EOGT: variants seen among roughly 807,000 people sequenced by gnomAD.
The protein encoded by EOGT is EGF domain specific O-linked N-acetylglucosamine transferase.
Under a neutral mutation model 70.5 loss-of-function variants are expected in EOGT, and 55 were observed. The ratio of observed to expected loss-of-function variants is 0.78; its 90% confidence interval spans 0.63 to 0.98. The LOEUF (loss-of-function observed/expected upper bound fraction) is 0.98. Among genes scored for constraint, EOGT ranks in the 50% least tolerant of loss-of-function variants. EOGT has a pLI of 0.00. For missense variants in EOGT, 703 were observed against 641.9 expected (o/e 1.10, Z -1.03); for synonymous variants, 246 against 217.1 (o/e 1.13, Z -1.17).
chr3:69,013,276 G>A (rs934722220), intron 1 of EOGT, among the ~76,000 whole-genome samples: 1 of 151,670 alleles, frequency 6.6e-6, no homozygotes. Flanking sequence ...GGGCCCCGGG[G>A]AGCGGCTCCG....
chr3:68,980,631 G>C (rs937256664), intron 15 of EOGT, among the ~76,000 whole-genome samples: 10 of 152,204 alleles, frequency 6.6e-5, no homozygotes, highest in African/African-American at 2.4e-4. Flanking sequence ...AAGGGAAGCT[G>C]AATTCCCTTT....
At chr3:68,989,086 C>A in intron 10 of EOGT, 69 bp from the exon 11 acceptor site, 1 of 847,780 alleles carries the variant, frequency 1.2e-6, no homozygotes, top group Non-Finnish European at 1.8e-6. Context: ...AAAGATGCAA[C>A]AAAATACCTG....
intron 9 of EOGT, among the ~76,000 whole-genome samples, chr3:68,999,105 T>A (rs982571248): frequency 6.6e-6 from 1 of 152,192 alleles, no homozygotes; most frequent in Non-Finnish European, 1.5e-5. Context: ...GCAACATTCT[T>A]AGATGAGTTT....
chr3:68,977,745 C>T lies in EOGT; in HGVS notation c.1457G>A (p.Gly486Glu). ...PQDKGHHPTL[G>E]EHPKFTNYSF... ...GTAGTTGGTGAACTTCGGGTGCTCC[C>T]CCAGGGTTGGATGGTGGCCCTGTGA... The change falls in exon 18 of 18, where the codon GGG (glycine) becomes GAG (glutamate). Residue 486 changes from glycine (G) to glutamate (E), a missense_variant. Coordinates refer to ENST00000383701, the MANE Select transcript of EOGT (RefSeq NM_001278689.2). 1.9e-6 allele frequency: 3 copies of T among 1,612,996 alleles called. No homozygotes were observed. Among genetic ancestry groups the T allele is most frequent in the Non-Finnish European group, 2.5e-6 (3 of 1,179,590 alleles).
chr3:68,978,676 A>AG (rs1464363046), intron 16 of EOGT, among the ~76,000 whole-genome samples: 1 of 147,832 alleles, frequency 6.8e-6, no homozygotes, highest in Non-Finnish European at 1.5e-5. Flanking sequence ...CTTATTCAAT[A>AG]GGGCCTGCTG....
intron 13 of EOGT, chr3:68,987,985 G>T: frequency 2.6e-6 from 1 of 389,416 alleles, no homozygotes; most frequent in East Asian, 5.4e-5. Context: ...CATGATCTTG[G>T]CTCACTGCAG....
At position 69,005,114 on chromosome 3, in the gene EOGT, G is replaced by T. The variant is rs111631717; in HGVS notation, c.515+26C>A. ...TGAAAATATTTCAGAATTTATACTA[G>T]ATGTTAACATTAACCACTAAAGTAC... On this transcript the variant is annotated intron_variant, in intron 7 of 17. Coordinates refer to ENST00000383701, the MANE Select transcript of EOGT (RefSeq NM_001278689.2). 1.3e-3 allele frequency: 1,484 copies of T among 1,160,840 alleles called. 19 individuals are homozygous for T. The African/African-American group carries it at 0.023, about 18-fold the overall frequency. 71.9% of individuals were successfully genotyped at this position (1,160,840 alleles called of 1,614,324 possible). A position where few individuals can be genotyped will look rare whatever the true frequency, so the allele number is the denominator to read the frequency against.
Position 68,976,172 on chromosome 3 carries a change from T to C in EOGT, c.*1446A>G, listed in dbSNP as rs1456925127. On this transcript the variant is annotated 3_prime_UTR_variant, in exon 18 of 18. Transcript: ENST00000383701. ...TTTTAGAGCTTCTTTTTCACTTTCA[T>C]TGAATAAGTCACATGTCTTTAGTTT... The C allele has an allele frequency of 1.3e-5, 2 of 152,218 alleles. No homozygotes were observed. The highest frequency in any genetic ancestry group is 1.3e-4 in the Admixed American group (2 of 15,280). 9.4% of individuals were successfully genotyped at this position (152,218 alleles called of 1,614,324 possible). A position where few individuals can be genotyped will look rare whatever the true frequency, so the allele number is the denominator to read the frequency against.
chr3:69,000,449 C>T (rs971069725), intron 9 of EOGT, among the ~76,000 whole-genome samples: 5 of 152,122 alleles, frequency 3.3e-5, no homozygotes, highest in Non-Finnish European at 4.4e-5. Context: ...GTTTTAAAAA[C>T]GAGTCAAAAC....
In EOGT at chr3:69,012,604, T is replaced by G. The variant is rs999086154; in HGVS notation, c.-160A>C. On this transcript the variant is annotated 5_prime_UTR_variant, in exon 2 of 18. Coordinates refer to ENST00000383701, the MANE Select transcript of EOGT (RefSeq NM_001278689.2). Reference sequence around the variant, plus strand: ...CGTCTGGCGAGGGCATGTACCCACTTGCATAAGGCGGCTGGGGGTGGCTGC... The same window carrying G: ...CGTCTGGCGAGGGCATGTACCCACTGGCATAAGGCGGCTGGGGGTGGCTGC... The G allele has an allele frequency of 2.6e-5, 4 of 152,880 alleles. No individual in the cohort carries two copies. Among genetic ancestry groups the G allele is most frequent in the African/African-American group, 9.6e-5 (4 of 41,454 alleles). 9.5% of individuals were successfully genotyped at this position (152,880 alleles called of 1,614,324 possible).
chr3:68,982,784 T>C (rs1387525316), intron 15 of EOGT, 27 bp downstream of exon 15: 1 of 1,565,690 alleles, frequency 6.4e-7, no homozygotes, highest in Admixed American at 1.8e-5. Context: ...AAGTTGACAG[T>C]GTCTGCTGAG....
intron 14 of EOGT, among the ~76,000 whole-genome samples, chr3:68,983,174 G>A (rs1011135263): frequency 1.3e-5 from 2 of 152,144 alleles, no homozygotes; most frequent in Non-Finnish European, 2.9e-5. Flanking sequence ...TAAAGTGCTA[G>A]GCACAGAAAT....
At chr3:69,006,283 C>T (rs542761314) in intron 6 of EOGT, among the ~76,000 whole-genome samples, 12 of 152,190 alleles carry the variant, frequency 7.9e-5, no homozygotes, top group Admixed American at 1.3e-4. Flanking sequence ...ACCCTGCGGC[C>T]GTGCAGTTTA....
intron 7 of EOGT, 98 bp from the exon 8 acceptor site, chr3:69,004,580 A>AT: frequency 1.3e-6 from 1 of 751,410 alleles, no homozygotes; most frequent in Non-Finnish European, 2.2e-6. Flanking sequence ...TCCAAACTGA[A>AT]TTTTTTAAAA....
rs1257901990 is a variant in EOGT at position 68,994,955 on chromosome 3, G to A, written c.831+3056C>T. 2.6e-5 allele frequency among the ~76,000 whole-genome samples: 4 copies of A among 152,196 alleles called. No individual in the cohort carries two copies. The East Asian group carries it at 5.8e-4, about 22-fold the overall frequency. On this transcript the variant is annotated intron_variant, in intron 10 of 17. Transcript: ENST00000383701. ...ATGGGTCCCTCTATGCATGTTTGCAGGTTGGTGGCCTTGCCCATCCCACTG... is the reference window on the plus strand; with the variant it reads ...ATGGGTCCCTCTATGCATGTTTGCAAGTTGGTGGCCTTGCCCATCCCACTG...
chr3:68,985,137 A>G (rs1330271978), intron 14 of EOGT, among the ~76,000 whole-genome samples: 1 of 152,198 alleles, frequency 6.6e-6, no homozygotes, highest in Non-Finnish European at 1.5e-5. Flanking sequence ...CCCCAACTGC[A>G]CTCAATATGT....
In EOGT at chr3:68,988,362, G is replaced by C; in HGVS notation, c.1016C>G (p.Thr339Ser). The C allele has an allele frequency of 3.3e-6, 5 of 1,535,804 alleles. No individual in the cohort carries two copies. Among genetic ancestry groups the C allele is most frequent in the Non-Finnish European group, 4.4e-6 (5 of 1,146,674 alleles). ...NTPLISGCQNTGLFRAFAQHV... is the reference protein window; with the variant it reads ...NTPLISGCQNSGLFRAFAQHV... ...CTGGGCAAATGCCCTGAATAGTCCA[G>C]TATTTTGACAGCCAGATATCTAAAA... is the stretch of plus-strand genomic sequence containing the variant. Residue 339 changes from threonine (T) to serine (S), a missense_variant, in exon 13 of 18, where the codon ACT becomes AGT. Thr to Ser is a moderately conservative substitution (Grantham distance 58). Coordinates refer to ENST00000383701, the MANE Select transcript of EOGT (RefSeq NM_001278689.2).
At chr3:69,001,379 T>C (rs902363385) in intron 9 of EOGT, among the ~76,000 whole-genome samples, 9 of 152,206 alleles carry the variant, frequency 5.9e-5, no homozygotes, top group Non-Finnish European at 1.2e-4. Flanking sequence ...CCTTTGATTT[T>C]GGTTAAGTCC....
At chr3:68,979,086 G>T (rs563559228) in intron 16 of EOGT, among the ~76,000 whole-genome samples, 1 of 152,212 alleles carries the variant, frequency 6.6e-6, no homozygotes, top group Admixed American at 6.5e-5. Flanking sequence ...CATAATGGGG[G>T]GAAACAGGTA....
Sources: gnomAD v4.1 joint callset for allele counts (sites outside exome capture counted in the v4.1 genomes callset) on GRCh38, gnomAD v4.1.1 for gene constraint, MANE v1.5 for transcripts, NCBI Gene and HGNC (gene_info 2026-07-23, HGNC 2026-07-21) for gene names.